The following SCN7A variants were observed in gnomAD, a reference collection of about 807,000 sequenced individuals.
SCN7A encodes the protein sodium channel protein type 7 subunit alpha.
SCN7A carries 138 observed loss-of-function variants against 155.2 expected under a neutral mutation model. That is an observed-to-expected ratio of 0.89 (90% confidence interval 0.77 to 1.02). The LOEUF is 1.02. SCN7A is among the 50% of genes least tolerant of loss of function. The pLI is 0.00. For missense variants in SCN7A, 2,058 were observed against 1,986.6 expected (o/e 1.04, Z -0.68); for synonymous variants, 693 against 649.0 (o/e 1.07, Z -1.03).
At chr2:166,436,343 C>T (rs1428100339) in intron 15 of SCN7A, 1 of 403,940 alleles carries the variant, frequency 2.5e-6, no homozygotes, top group African/African-American at 2.1e-5. Flanking sequence ...GGGGCTTACC[C>T]CACCTTCACT....
Position 166,432,644 on chromosome 2 carries a change from T to A in SCN7A, c.2266A>T (p.Lys756Ter). The A allele has an allele frequency of 1.2e-6, 2 of 1,610,678 alleles. No homozygotes were observed. The highest frequency in any genetic ancestry group is 1.3e-5 in the African/African-American group (1 of 74,794). ...AGAAGCACATAGTTTATTCCTTTTT[T>A]AATTCTTGCCACTGCAAGCTGGAGA... is the stretch of plus-strand genomic sequence containing the variant. Reference protein sequence around the residue: ...KNLQLAVARIKKGINYVLLKI... With the variant: ...KNLQLAVARI The change falls in exon 16 of 26, where the codon AAA (lysine) becomes TAA (stop). Residue 756 changes from lysine to a stop codon, truncating the protein, a stop_gained. Transcript: ENST00000643258. LOFTEE classifies it high-confidence loss of function.
intron 10 of SCN7A, 75 bp from the exon 11 acceptor site, chr2:166,457,151 A>G: frequency 9.1e-7 from 1 of 1,097,562 alleles, no homozygotes; most frequent in South Asian, 1.6e-5. Flanking sequence ...TTTAAAATAA[A>G]AGGCAAAATT....
At chr2:166,471,735 G>T (rs1003847722) in intron 6 of SCN7A, among the ~76,000 whole-genome samples, 3 of 142,468 alleles carry the variant, frequency 2.1e-5, no homozygotes, top group African/African-American at 7.7e-5. Context: ...TGGGGGGGGG[G>T]GTGGTGTTTA....
At chr2:166,484,205 T>C (rs1317723396) in intron 2 of SCN7A, among the ~76,000 whole-genome samples, 1 of 152,044 alleles carries the variant, frequency 6.6e-6, no homozygotes, top group Non-Finnish European at 1.5e-5. Flanking sequence ...ATATGGACTA[T>C]GGGGAAAGCA....
chr2:166,493,238 C>T (rs10497286), intron 1 of SCN7A, among the ~76,000 whole-genome samples: 42,852 of 152,092 alleles, frequency 0.28, 6,591 homozygotes, highest in Non-Finnish European at 0.35. Flanking sequence ...GTCCAATATC[C>T]AAACTGGAAC....
intron 7 of SCN7A, among the ~76,000 whole-genome samples, chr2:166,470,000 G>C (rs1702618910): frequency 6.6e-6 from 1 of 151,854 alleles, no homozygotes; most frequent in African/African-American, 2.4e-5. Context: ...TCTGGGTAGA[G>C]TTGTTCTTAT....
Position 166,416,746 on chromosome 2 carries a change from A to G in SCN7A, c.3375T>C (p.Phe1125=). Residue 1125 remains phenylalanine, a synonymous_variant, in exon 21 of 26, where the codon TTT becomes TTC. Transcript: ENST00000643258. ...AAAGGAAACCATTTCCAACATTATC[A>G]AAGTTCATTTTTGCATTTTCCCATA... ...SMLWENAKMN[F]DNVGNGFLSL... is the part of the protein sequence containing the mutation. The G allele has an allele frequency of 6.2e-7, 1 of 1,611,578 alleles. No individual in the cohort carries two copies. Among genetic ancestry groups the G allele is most frequent in the Non-Finnish European group, 8.5e-7 (1 of 1,178,648 alleles).
At position 166,412,623 on chromosome 2, in the gene SCN7A, A is replaced by G; in HGVS notation, c.3513T>C (p.Cys1171=). ...PHFEVNIYMY[C]YFINFIIFGV... Reference sequence around the variant, plus strand: ...CAAATATAATAAAGTTGATAAAGTAACAATACATGTAGATGTTGACTTCAA... The same window carrying G: ...CAAATATAATAAAGTTGATAAAGTAGCAATACATGTAGATGTTGACTTCAA... Residue 1171 remains cysteine (C), a synonymous_variant, in exon 23 of 26, where the codon TGT becomes TGC. Coordinates refer to ENST00000643258, the MANE Select transcript of SCN7A (RefSeq NM_002976.4). 2 of 1,524,882 alleles carry G rather than the reference A, an allele frequency of 1.3e-6. No individual in the cohort carries two copies. Among genetic ancestry groups the G allele is most frequent in the Non-Finnish European group, 1.8e-6 (2 of 1,137,978 alleles). The allele number at this position is 1,524,882 out of a possible 1,614,324, so 94.5% of individuals were successfully genotyped here. A position where few individuals can be genotyped will look rare whatever the true frequency, so the allele number is the denominator to read the frequency against.
chr2:166,429,367 T>C, intron 16 of SCN7A, 93 bp from the exon 17 acceptor site: 3 of 756,030 alleles, frequency 4.0e-6, no homozygotes, highest in Non-Finnish European at 6.5e-6. Context: ...GTAAGAAAAA[T>C]TTTGTACAGA....
intron 3 of SCN7A, among the ~76,000 whole-genome samples, chr2:166,475,093 C>CGTATATATATATATAT (rs1193173809): frequency 3.1e-5 from 4 of 129,562 alleles, no homozygotes; most frequent in Non-Finnish European, 6.5e-5. Flanking sequence ...TATATATATA[C>CGTATATATATATATAT]ACATATATAT....
chr2:166,410,150 T>C (rs1317330894), intron 24 of SCN7A, 70 bp downstream of exon 24: 2 of 1,237,920 alleles, frequency 1.6e-6, no homozygotes, highest in African/African-American at 1.5e-5. Context: ...AAACATTTGT[T>C]AAGGCTTTAA....
At position 166,477,518 on chromosome 2, in the gene SCN7A, C is replaced by T; in HGVS notation, c.179G>A (p.Gly60Glu). Residue 60 changes from glycine (G) to glutamate (E), a missense_variant, in exon 3 of 26, where the codon GGA becomes GAA. Physicochemically the swap from Gly to Glu is moderately conservative, Grantham distance 98 (BLOSUM62 -2). Coordinates refer to ENST00000643258, the MANE Select transcript of SCN7A (RefSeq NM_002976.4). ...ATCTTCCAAGGGCTCTGACACCATT[C>T]CTTGAGAAAGGTTTCCATAAATAAA... The part of the protein sequence containing the change: ...LPFIYGNLSQ[G>E]MVSEPLEDVD... 1 of 1,557,222 alleles carries T rather than the reference C, an allele frequency of 6.4e-7. No individual in the cohort carries two copies. Among genetic ancestry groups the T allele is most frequent in the Non-Finnish European group, 8.7e-7 (1 of 1,148,902 alleles).
At chr2:166,488,920 G>A (rs975636552) in intron 1 of SCN7A, among the ~76,000 whole-genome samples, 7 of 152,150 alleles carry the variant, frequency 4.6e-5, no homozygotes, top group African/African-American at 1.7e-4. Context: ...CTACAGGTGT[G>A]AGCCACTGCG....
At chr2:166,475,113 T>TATAC (rs1702761302) in intron 3 of SCN7A, among the ~76,000 whole-genome samples, 2 of 123,372 alleles carry the variant, frequency 1.6e-5, no homozygotes, top group African/African-American at 5.9e-5. Context: ...TGTATATATA[T>TATAC]ATATATACAT....
At chr2:166,416,527 C>G (rs10930221) in intron 21 of SCN7A, among the ~76,000 whole-genome samples, 180 bp downstream of exon 21, 52,728 of 151,994 alleles carry the variant, frequency 0.35, 10,213 homozygotes, top group Non-Finnish European at 0.43. Flanking sequence ...ATAGAAAGAA[C>G]CTATGTTGAA....
chr2:166,410,483 T>C (rs1444332690), intron 23 of SCN7A, among the ~76,000 whole-genome samples, 159 bp from the exon 24 acceptor site: 2 of 152,066 alleles, frequency 1.3e-5, no homozygotes, highest in Non-Finnish European at 2.9e-5. Context: ...TCTGACTTTC[T>C]GCCCAAAAAT....
chr2:166,457,333 AGTATTC>A (rs1329271800), intron 10 of SCN7A, among the ~76,000 whole-genome samples: 1 of 152,256 alleles, frequency 6.6e-6, no homozygotes, highest in African/African-American at 2.4e-5. Context: ...ACTTAAGGTA[AGTATTC>A]GATTTTTATG....
chr2:166,488,632 CTT>C (rs200899928), intron 1 of SCN7A, among the ~76,000 whole-genome samples: 3 of 144,634 alleles, frequency 2.1e-5, no homozygotes, highest in African/African-American at 7.6e-5. Flanking sequence ...TCAACAGTTT[CTT>C]TTTTTTTTTT....
intron 10 of SCN7A, among the ~76,000 whole-genome samples, chr2:166,458,738 G>T (rs981434578): frequency 6.6e-6 from 1 of 152,098 alleles, no homozygotes; most frequent in Non-Finnish European, 1.5e-5. Flanking sequence ...GTACAGGTTT[G>T]CCGCCTAGGA....
Sources: gnomAD v4.1 joint callset for allele counts (sites outside exome capture counted in the v4.1 genomes callset) on GRCh38, gnomAD v4.1.1 for gene constraint, MANE v1.5 for transcripts, NCBI Gene and HGNC (gene_info 2026-07-23, HGNC 2026-07-21) for gene names.